The following RIF1 variants were observed in gnomAD, a reference collection of about 807,000 sequenced individuals.
RIF1 encodes the protein replication timing regulatory factor 1.
RIF1 carries 45 observed loss-of-function variants against 247.1 expected under a neutral mutation model. The ratio of observed to expected loss-of-function variants is 0.18; its 90% CI spans 0.14 to 0.23. RIF1 has a LOEUF of 0.23. Among genes scored for constraint, RIF1 ranks in the 10% least tolerant of loss-of-function variants. The probability of loss-of-function intolerance (pLI) is 1.00; values close to 1 mark genes in which losing one functional copy is unlikely to be tolerated. For missense variants in RIF1, 2,967 were observed against 2,862.5 expected, an observed-to-expected ratio of 1.04 and a Z score of -0.83; for synonymous variants, 1,087 against 978.8, an observed-to-expected ratio of 1.11 and a Z score of -2.06.
At chr2:151,435,442 A>T in intron 10 of RIF1, 21 bp from the exon 11 acceptor site, 1 of 1,323,048 alleles carries the variant, frequency 7.6e-7, no homozygotes, top group Admixed American at 1.7e-5. Context: ...TTATAGATCG[A>T]TGTTTTCTTT....
chr2:151,445,580 A>G (rs916425913), intron 19 of RIF1, 135 bp downstream of exon 19: 13 of 635,274 alleles, frequency 2.0e-5, no homozygotes, highest in Middle Eastern at 4.1e-4. Context: ...ACAGTCTCAC[A>G]TTGTCGTCCA....
chr2:151,514,071 TAAATC>T, the RIF1 span, among the ~76,000 whole-genome samples: 3 of 152,058 alleles, frequency 2.0e-5, no homozygotes, highest in East Asian at 1.9e-4. Context: ...TATATCAAGT[TAAATC>T]AAATAATATT....
intron 20 of RIF1, among the ~76,000 whole-genome samples, chr2:151,447,223 G>A (rs376335199): frequency 1.3e-5 from 2 of 152,242 alleles, no homozygotes; most frequent in Admixed American, 1.3e-4. Flanking sequence ...GACCACAGGC[G>A]TGAGCCACCG....
chr2:151,411,443 C>G (rs900026265), intron 3 of RIF1, 105 bp downstream of exon 3: 8 of 687,816 alleles, frequency 1.2e-5, no homozygotes, highest in Non-Finnish European at 1.7e-5. Context: ...GTTGCCCAGG[C>G]GAGAGTGCAA....
intron 10 of RIF1, chr2:151,498,124 A>G: frequency 2.0e-6 from 3 of 1,511,716 alleles, no homozygotes; most frequent in Non-Finnish European, 2.7e-6. Flanking sequence ...TAGAAATGGG[A>G]AAGTATATCC....
chr2:151,477,066 ATTATAGT>A lies in RIF1; in HGVS notation c.*1999_*2005del, dbSNP rs2048964226. 1 of 152,216 alleles carries A rather than the reference ATTATAGT, an allele frequency of 6.6e-6. No individual in the cohort carries two copies. The allele number at this position is 152,216 out of a possible 1,614,324, so 9.4% of individuals were successfully genotyped here. On this transcript the variant is annotated 3_prime_UTR_variant, in exon 36 of 36. Coordinates refer to ENST00000444746, the MANE Select transcript of RIF1 (RefSeq NM_018151.5). Reference sequence around the variant, plus strand: ...AAGCACAAGTATTAATTTTAAAAACATTATAGTTTAATAAAGCTGCATTTAAAAATAT... The same window carrying A: ...AAGCACAAGTATTAATTTTAAAAACATTAATAAAGCTGCATTTAAAAATAT...
chr2:151,474,960 T>C lies in RIF1; in HGVS notation c.7308T>C (p.Tyr2436=), dbSNP rs751867908. The C allele has an allele frequency of 1.2e-6, 2 of 1,612,470 alleles. No individual in the cohort carries two copies. The highest frequency in any genetic ancestry group is 1.3e-5 in the African/African-American group (1 of 75,018). ...TGGATTCAGAAGATCTTCATAATTA[T>C]TCAGGAAGCCAACTATTTGAAATGC... The part of the protein sequence containing the change: ...LQLDSEDLHN[Y]SGSQLFEMHE... The change falls in exon 36 of 36, where the codon TAT becomes TAC. Residue 2436 remains tyrosine, a synonymous_variant. Coordinates refer to ENST00000444746, the MANE Select transcript of RIF1 (RefSeq NM_018151.5).
downstream of RIF1, chr2:151,512,630 G>C (rs1306248988): frequency 1.1e-6 from 1 of 902,326 alleles, no homozygotes; most frequent in Non-Finnish European, 1.8e-6. Context: ...TTTTTTATTG[G>C]GAAAAACTGA....
chr2:151,441,394 G>GC (rs1214369561), intron 15 of RIF1, among the ~76,000 whole-genome samples: 1 of 152,078 alleles, frequency 6.6e-6, no homozygotes, highest in African/African-American at 2.4e-5. Context: ...CATAGAAATA[G>GC]CCCCAAGGTC....
intron 32 of RIF1, 34 bp from the exon 33 acceptor site, chr2:151,468,601 AGTTGAC>A (rs776196419): frequency 2.7e-5 from 44 of 1,602,870 alleles, no homozygotes; most frequent in Non-Finnish European, 3.6e-5. Context: ...ATGTTCAGTC[AGTTGAC>A]CTCTGTGTAA....
chr2:151,526,959 T>G, the RIF1 span: 1 of 1,604,404 alleles, frequency 6.2e-7, no homozygotes, highest in African/African-American at 1.3e-5. Context: ...AGCACCGTGT[T>G]TTTGTCATCA....
At chr2:151,507,038 G>T in intron 13 of RIF1, 2 of 1,361,568 alleles carry the variant, frequency 1.5e-6, no homozygotes, top group Non-Finnish European at 2.1e-6. Context: ...TAAACATCTT[G>T]TTAAGATTTC....
At chr2:151,508,079 T>C, downstream of RIF1, 2 of 1,609,746 alleles carry the variant, frequency 1.2e-6, no homozygotes, top group East Asian at 2.2e-5. Context: ...TAATACGACA[T>C]GGACTTCTCA....
chr2:151,466,074 G>A lies in RIF1; in HGVS notation c.6554G>A (p.Gly2185Glu). The A allele has an allele frequency of 5.6e-6, 9 of 1,601,496 alleles. No homozygotes were observed. The highest frequency in any genetic ancestry group is 1.7e-5 in the Admixed American group (1 of 58,196). The change falls in exon 30 of 36, where the codon GGA becomes GAA. Residue 2185 changes from glycine to glutamate, a missense_variant. This residue lies in a region of RIF1 where 2,028 missense variants were observed against 1,825.6 expected (regional missense o/e 1.11). Transcript: ENST00000444746. ...ASPSTSILKR[G>E]LKRSQEDEIS... ...CCGTCTACGAGCATTTTAAAGAGAG[G>A]ACTAAAAAGATCCCAAGAAGATGAA...
chr2:151,521,321 C>T, the RIF1 span, among the ~76,000 whole-genome samples: 2 of 152,170 alleles, frequency 1.3e-5, no homozygotes, highest in Non-Finnish European at 2.9e-5. Context: ...CAGCATGATG[C>T]AGGCACACTG....
At chr2:151,474,786 T>A (rs2048849289) in intron 35 of RIF1, 71 bp from the exon 36 acceptor site, 1 of 893,208 alleles carries the variant, frequency 1.1e-6, no homozygotes, top group African/African-American at 1.7e-5. Context: ...TGGACTAACT[T>A]AAAAGATCAT....
Position 151,503,336 on chromosome 2 carries a change from T to C in RIF1, c.*861+151T>C, listed in dbSNP as rs368353531. Reference sequence around the variant, plus strand: ...ATGGGAAATAGTTTCTTATATGATATATTTGTAAATACCGAGCTAAAGTTC... The same window carrying C: ...ATGGGAAATAGTTTCTTATATGATACATTTGTAAATACCGAGCTAAAGTTC... On this transcript the variant is annotated intron_variant and NMD_transcript_variant, in intron 12 of 13. Transcript: ENST00000454583. 2.1e-5 allele frequency: 33 copies of C among 1,562,738 alleles called. No homozygotes were observed. The African/African-American group carries it at 3.3e-4, about 15-fold the overall frequency.
At chr2:151,429,726 T>C (rs1689731605) in intron 9 of RIF1, among the ~76,000 whole-genome samples, 2 of 152,240 alleles carry the variant, frequency 1.3e-5, no homozygotes, top group Admixed American at 6.5e-5. Context: ...AGTGGTTTAA[T>C]ATTGATATAT....
At chr2:151,511,904 G>A (rs936185336), downstream of RIF1, among the ~76,000 whole-genome samples, 1 of 151,370 alleles carries the variant, frequency 6.6e-6, no homozygotes, top group African/African-American at 2.4e-5. Flanking sequence ...CATCATAAGA[G>A]ATTTTACATG....
Sources: gnomAD v4.1 joint callset for allele counts (sites outside exome capture counted in the v4.1 genomes callset) on GRCh38, gnomAD v4.1.1 for gene constraint, gnomAD v4.1.1 regional missense constraint, MANE v1.5 for transcripts, NCBI Gene and HGNC (gene_info 2026-07-23, HGNC 2026-07-21) for gene names.